The following GXYLT2 variants were observed in gnomAD, a reference collection of about 807,000 sequenced individuals.
GXYLT2 encodes glucoside xylosyltransferase 2.
GXYLT2 carries 53 observed loss-of-function variants against 45.8 expected under a neutral mutation model. The ratio of observed to expected loss-of-function variants is 1.16; its 90% CI spans 0.93 to 1.46. The LOEUF (loss-of-function observed/expected upper bound fraction) is 1.46, where lower values mean the gene tolerates loss of function less well. Ranked by LOEUF, GXYLT2 falls within the 40% of genes most tolerant of loss-of-function variation. The pLI is 0.00. For missense variants in GXYLT2, 551 were observed against 544.4 expected, an observed-to-expected ratio of 1.01 and a Z score of -0.12; for synonymous variants, 219 against 214.2, an observed-to-expected ratio of 1.02 and a Z score of -0.19.
intron 2 of GXYLT2, among the ~76,000 whole-genome samples, chr3:72,920,954 T>A (rs938783250): frequency 6.6e-6 from 1 of 151,864 alleles, no homozygotes; most frequent in Non-Finnish European, 1.5e-5. Flanking sequence ...CTGAAGTAGC[T>A]GGGATTACAG....
At chr3:72,944,497 C>T (rs980213426) in intron 3 of GXYLT2, among the ~76,000 whole-genome samples, 5 of 152,140 alleles carry the variant, frequency 3.3e-5, no homozygotes, top group South Asian at 2.1e-4. Flanking sequence ...TCGAGTGATC[C>T]GCCCGCCTCA....
intron 2 of GXYLT2, among the ~76,000 whole-genome samples, chr3:72,911,448 C>T (rs556650743): frequency 6.6e-6 from 1 of 152,268 alleles, no homozygotes; most frequent in South Asian, 2.1e-4. Context: ...CTCTGTGTAA[C>T]TAATAGGACA....
At chr3:72,968,261 A>G (rs1392482297) in intron 6 of GXYLT2, among the ~76,000 whole-genome samples, 1 of 152,216 alleles carries the variant, frequency 6.6e-6, no homozygotes, top group Non-Finnish European at 1.5e-5. Flanking sequence ...GGTGTGAGCC[A>G]CCTACTTTAG....
intron 5 of GXYLT2, among the ~76,000 whole-genome samples, chr3:72,966,738 G>A (rs1207114532): frequency 2.6e-5 from 4 of 151,750 alleles, no homozygotes; most frequent in South Asian, 2.1e-4. Flanking sequence ...CTATTCTCCC[G>A]CCTCAGCCTC....
chr3:72,940,536 T>G (rs1710278873), intron 3 of GXYLT2, among the ~76,000 whole-genome samples: 3 of 152,070 alleles, frequency 2.0e-5, no homozygotes, highest in African/African-American at 7.2e-5. Flanking sequence ...GGGTTGGTTA[T>G]GGGGGTTTGG....
At chr3:72,929,279 C>T (rs1048486648) in intron 3 of GXYLT2, 16 of 1,350,096 alleles carry the variant, frequency 1.2e-5, no homozygotes, top group African/African-American at 5.7e-5. Context: ...ACGAGGTGGC[C>T]GAATCTTCCT....
chr3:72,928,928 C>T (rs1019036983), intron 3 of GXYLT2: 24 of 718,452 alleles, frequency 3.3e-5, no homozygotes, highest in Non-Finnish European at 5.2e-5. Flanking sequence ...CCATCCCGGC[C>T]GGCCGCCCAT....
At chr3:72,902,122 G>A (rs143020256) in intron 1 of GXYLT2, among the ~76,000 whole-genome samples, 83 of 152,154 alleles carry the variant, frequency 5.5e-4, no homozygotes, top group African/African-American at 2.0e-3. Flanking sequence ...TGGCTATTGG[G>A]AATAATGCTG....
intron 3 of GXYLT2, among the ~76,000 whole-genome samples, chr3:72,934,215 G>A (rs764855728): frequency 6.6e-6 from 1 of 151,246 alleles, no homozygotes; most frequent in Non-Finnish European, 1.5e-5. Flanking sequence ...CTCTGGAGTA[G>A]CTGGGACTGC....
At chr3:72,961,382 C>G (rs1203616534) in intron 5 of GXYLT2, among the ~76,000 whole-genome samples, 1 of 152,116 alleles carries the variant, frequency 6.6e-6, no homozygotes, top group Non-Finnish European at 1.5e-5. Flanking sequence ...AGGCCAGGGG[C>G]AGTCTCATGA....
chr3:72,945,779 G>A (rs944307475), intron 3 of GXYLT2, among the ~76,000 whole-genome samples: 1 of 152,210 alleles, frequency 6.6e-6, no homozygotes, highest in African/African-American at 2.4e-5. Context: ...CTCAGGGAAA[G>A]AGGGCAGAAT....
intron 3 of GXYLT2, among the ~76,000 whole-genome samples, chr3:72,931,559 T>G (rs1244166904): frequency 6.6e-6 from 1 of 151,984 alleles, no homozygotes; most frequent in Non-Finnish European, 1.5e-5. Flanking sequence ...AAATAGCCAA[T>G]TGCTTTAAGA....
intron 5 of GXYLT2, among the ~76,000 whole-genome samples, chr3:72,963,901 C>A (rs540274449): frequency 6.6e-6 from 1 of 152,220 alleles, no homozygotes. Flanking sequence ...TCTCGAACTC[C>A]CGACCTCAGG....
At chr3:72,961,892 G>A (rs547248732) in intron 5 of GXYLT2, among the ~76,000 whole-genome samples, 1 of 152,288 alleles carries the variant, frequency 6.6e-6, no homozygotes, top group South Asian at 2.1e-4. Context: ...GATAAGGCAG[G>A]GCATCAGGCT....
At chr3:72,898,648 G>A (rs1231959606) in intron 1 of GXYLT2, among the ~76,000 whole-genome samples, 3 of 152,160 alleles carry the variant, frequency 2.0e-5, no homozygotes, top group African/African-American at 7.2e-5. Flanking sequence ...CCGAGCACCC[G>A]GGGAGGCATG....
rs1166292915 is a variant in GXYLT2 at position 72,975,283 on chromosome 3, C to T, written c.*124C>T. 2 of 667,834 alleles carry T rather than the reference C, an allele frequency of 3.0e-6. No individual in the cohort carries two copies. Among genetic ancestry groups the T allele is most frequent in the Non-Finnish European group, 4.5e-6 (2 of 443,700 alleles). 41.4% of individuals were successfully genotyped at this position (667,834 alleles called of 1,614,324 possible). A position where few individuals can be genotyped will look rare whatever the true frequency, so the allele number is the denominator to read the frequency against. On this transcript the variant is annotated 3_prime_UTR_variant, in exon 7 of 7. Coordinates refer to ENST00000389617, the MANE Select transcript of GXYLT2 (RefSeq NM_001080393.2). ...TCCATGACTGTTGAGTTTTAAAAAC[C>T]TCGTTAAATTTTGCCAAATCAGTTG...
In GXYLT2 at chr3:72,929,386, C is replaced by A. The variant is rs1709982068; in HGVS notation, c.600+7051C>A. On this transcript the variant is annotated intron_variant, in intron 3 of 6. Coordinates refer to ENST00000389617, the MANE Select transcript of GXYLT2 (RefSeq NM_001080393.2). The stretch of plus-strand genomic sequence containing the variant: ...TGGGGAAAAAAAAATATGAGTCAGT[C>A]ACTACTGGAACTGCACAAACTGGCC... 12 of 1,071,324 alleles carry A rather than the reference C, an allele frequency of 1.1e-5. No individual in the cohort carries two copies. In the East Asian group the frequency reaches 2.6e-4, roughly 23 times the overall value. 66.4% of individuals were successfully genotyped at this position (1,071,324 alleles called of 1,614,324 possible). A position where few individuals can be genotyped will look rare whatever the true frequency, so the allele number is the denominator to read the frequency against.
intron 2 of GXYLT2, among the ~76,000 whole-genome samples, chr3:72,915,484 T>G (rs1575786783): frequency 6.8e-6 from 1 of 146,820 alleles, no homozygotes; most frequent in African/African-American, 2.5e-5. Context: ...AAACGAGGGG[T>G]GATGTGGGGG....
rs567828917 is a variant in GXYLT2 at position 72,906,038 on chromosome 3, C to A, written c.276-2329C>A. Among the ~76,000 whole-genome samples the A allele has an allele frequency of 3.9e-5, 6 of 152,158 alleles. No individual in the cohort carries two copies. The South Asian group carries it at 1.2e-3, about 32-fold the overall frequency. On this transcript the variant is annotated intron_variant, in intron 1 of 6. Transcript: ENST00000389617. ...AGTCCATTTGAATCATATGCATATC[C>A]CTAAATATTGGGCATAATTTTTCGT...
Sources: gnomAD v4.1 joint callset for allele counts (sites outside exome capture counted in the v4.1 genomes callset) on GRCh38, gnomAD v4.1.1 for gene constraint, MANE v1.5 for transcripts, NCBI Gene and HGNC (gene_info 2026-07-23, HGNC 2026-07-21) for gene names.